The following LAMA4 variants were observed in gnomAD, a reference collection of about 807,000 sequenced individuals.
LAMA4 encodes the protein laminin subunit alpha 4.
In LAMA4, 127 loss-of-function variants were observed where a neutral mutation model predicts 207.1. The ratio of observed to expected loss-of-function variants is 0.61; its 90% CI spans 0.53 to 0.71. The LOEUF (loss-of-function observed/expected upper bound fraction) is 0.71. LAMA4 is among the 30% of genes least tolerant of loss of function. The pLI is 0.00. For missense variants in LAMA4, 2,093 were observed against 2,246.5 expected, an observed-to-expected ratio of 0.93 and a Z score of 1.38; for synonymous variants, 761 against 816.0, an observed-to-expected ratio of 0.93 and a Z score of 1.15.
intron 2 of LAMA4, chr6:112,219,526 AC>A (rs1217799384): frequency 6.6e-6 from 1 of 152,190 alleles, no homozygotes; most frequent in Admixed American, 6.5e-5. Context: ...GAGGATCTGT[AC>A]CTTCTGGGGT....
At position 112,187,591 on chromosome 6, in the gene LAMA4, C is replaced by T; in HGVS notation, c.825G>A (p.Lys275=). 1 of 1,613,998 alleles carries T rather than the reference C, an allele frequency of 6.2e-7. No homozygotes were observed. The highest frequency in any genetic ancestry group is 2.2e-5 in the East Asian group (1 of 44,838). The change falls in exon 8 of 39, where the codon AAG becomes AAA. Residue 275 remains lysine (K), a synonymous_variant. Coordinates refer to ENST00000230538, the MANE Select transcript of LAMA4 (RefSeq NM_001105206.3). ...GGTCATCAGTCAGGTCCCAGACGCA[C>T]TTATCACAGCCTGGAGGTGAAACAT... ...GMDCPTISCD[K]CVWDLTDDLR...
In LAMA4 at chr6:112,191,804, A is replaced by C. The variant is rs759487426; in HGVS notation, c.550T>G (p.Cys184Gly). The change falls in exon 6 of 39, where the codon TGT (cysteine) becomes GGT (glycine). Residue 184 changes from cysteine (C) to glycine (G), a missense_variant. Physicochemically the swap from Cys to Gly is radical, Grantham distance 159. Transcript: ENST00000230538. ...YGNPLLIGSTCKKCDCSGNSD... is the reference protein window; with the variant it reads ...YGNPLLIGSTGKKCDCSGNSD... ...TTTCCACTGCAGTCACATTTCTTAC[A>C]GGTGCTTCCAATGAGTAAGGGGTTT... 5 of 1,614,010 alleles carry C rather than the reference A, an allele frequency of 3.1e-6. No individual in the cohort carries two copies. Among genetic ancestry groups the C allele is most frequent in the Non-Finnish European group, 3.4e-6 (4 of 1,179,994 alleles).
intron 3 of LAMA4, chr6:112,214,169 C>A (rs1385810351): frequency 1.2e-5 from 6 of 485,120 alleles, no homozygotes; most frequent in East Asian, 3.1e-5. Flanking sequence ...ATAAAAAATT[C>A]TTTTTATATT....
At chr6:112,248,149 T>C (rs907792157) in intron 2 of LAMA4, among the ~76,000 whole-genome samples, 10 of 152,214 alleles carry the variant, frequency 6.6e-5, no homozygotes, top group South Asian at 2.1e-4. Flanking sequence ...TGGAGATTGA[T>C]GGTGATGGTT....
chr6:112,148,336 C>T lies in LAMA4; in HGVS notation c.2174G>A (p.Gly725Glu). Reference sequence around the variant, plus strand: ...CTGCCCCAGGCGCTGCTGGGCATCCCCTTTACACAGAGCACAGGGTCATTC... The same window carrying T: ...CTGCCCCAGGCGCTGCTGGGCATCCTCTTTACACAGAGCACAGGGTCATTC... ...AVKQLQAAERGDAQQRLGQSR... is the reference protein window; with the variant it reads ...AVKQLQAAEREDAQQRLGQSR... Residue 725 changes from glycine to glutamate, a missense_variant and splice_region_variant, in exon 18 of 39, where the codon GGG (glycine) becomes GAG (glutamate). By Grantham distance (98) the Gly-to-Glu change is moderately conservative. Coordinates refer to ENST00000230538, the MANE Select transcript of LAMA4 (RefSeq NM_001105206.3). The T allele has an allele frequency of 6.2e-7, 1 of 1,614,118 alleles. No homozygotes were observed. Among genetic ancestry groups the T allele is most frequent in the Non-Finnish European group, 8.5e-7 (1 of 1,180,012 alleles).
rs921612571 is a variant in LAMA4 at position 112,129,900 on chromosome 6, C to A, written c.4109G>T (p.Cys1370Phe). 6.2e-6 allele frequency: 10 copies of A among 1,609,356 alleles called. No individual in the cohort carries two copies. The highest frequency in any genetic ancestry group is 1.7e-5 in the Admixed American group (1 of 59,488). Residue 1370 changes from cysteine to phenylalanine, a missense_variant, in exon 30 of 39, where the codon TGC becomes TTC. Cys to Phe is a radical substitution (Grantham distance 205). This residue lies in a region of LAMA4 where 1,704 missense variants were observed against 1,788.4 expected (regional missense o/e 0.95). Coordinates refer to ENST00000230538, the MANE Select transcript of LAMA4 (RefSeq NM_001105206.3). ...CCTGGTAAAGTAGGCATTACTTATG[C>A]AGCCAGTGAAATTAGCATACTGAGC... ...ISAQYANFTGCISNAYFTRVD... is the reference protein window; with the variant it reads ...ISAQYANFTGFISNAYFTRVD...
Position 112,254,218 on chromosome 6 carries a change from G to A in LAMA4, c.-68C>T. Reference sequence around the variant, plus strand: ...CTGTGGGTCTCCGTAGGTCTCCCGCGTGGTGCGGCGGTGCCTCGCTTATTT... The same window carrying A: ...CTGTGGGTCTCCGTAGGTCTCCCGCATGGTGCGGCGGTGCCTCGCTTATTT... On this transcript the variant is annotated 5_prime_UTR_variant, in exon 2 of 39. In the 5' UTR this introduces an upstream ATG that the reference lacks. Transcript: ENST00000230538. 1 of 1,599,746 alleles carries A rather than the reference G, an allele frequency of 6.3e-7. No homozygotes were observed. Among genetic ancestry groups the A allele is most frequent in the Non-Finnish European group, 8.5e-7 (1 of 1,172,462 alleles).
chr6:112,188,566 G>A (rs541065144), intron 7 of LAMA4, among the ~76,000 whole-genome samples: 1 of 152,174 alleles, frequency 6.6e-6, no homozygotes, highest in Non-Finnish European at 1.5e-5. Flanking sequence ...TAAACCAAAA[G>A]TTTTGTTCCT....
intron 2 of LAMA4, among the ~76,000 whole-genome samples, chr6:112,241,098 AATATAT>A (rs368880785): frequency 1.1e-5 from 1 of 94,378 alleles, no homozygotes; most frequent in African/African-American, 3.4e-5. Context: ...GAGTCACATG[AATATAT>A]ATATATATAT....
chr6:112,158,850 C>T lies in LAMA4; in HGVS notation c.1699G>A (p.Gly567Arg), dbSNP rs781911643. 1 of 1,612,010 alleles carries T rather than the reference C, an allele frequency of 6.2e-7. No individual in the cohort carries two copies. Among genetic ancestry groups the T allele is most frequent in the Non-Finnish European group, 8.5e-7 (1 of 1,178,240 alleles). The part of the protein sequence containing the change: ...NASGIYAEID[G>R]AKSELQVKLS... The stretch of plus-strand genomic sequence containing the variant: ...TTTACTTGTAGTTCACTTTTGGCTC[C>T]ATCTATTTCTGCATAAATCCCTGAC... The change falls in exon 14 of 39, where the codon GGA becomes AGA. Residue 567 changes from glycine to arginine, a missense_variant. Physicochemically the swap from Gly to Arg is moderately radical, Grantham distance 125. Around this residue, in one of 3 missense-constraint regions of LAMA4, gnomAD observed 1,704 missense variants for 1,788.4 expected, o/e 0.95. Coordinates refer to ENST00000230538, the MANE Select transcript of LAMA4 (RefSeq NM_001105206.3).
chr6:112,114,240 T>A (rs776325910), intron 37 of LAMA4, 45 bp from the exon 38 acceptor site: 9 of 1,552,304 alleles, frequency 5.8e-6, no homozygotes, highest in Non-Finnish European at 8.0e-6. Flanking sequence ...ACTGGAGTGA[T>A]GAATTTTTAA....
chr6:112,139,707 C>T (rs1779570845), intron 23 of LAMA4, 45 bp downstream of exon 23: 2 of 1,607,340 alleles, frequency 1.2e-6, no homozygotes, highest in Non-Finnish European at 1.7e-6. Context: ...ATCTGCTGCT[C>T]TTGCATGAAT....
intron 13 of LAMA4, among the ~76,000 whole-genome samples, chr6:112,161,092 C>T (rs1781027736): frequency 6.6e-6 from 1 of 152,170 alleles, no homozygotes; most frequent in Non-Finnish European, 1.5e-5. Context: ...AATATTTTCC[C>T]TTTCTGGAAT....
At position 112,249,173 on chromosome 6, in the gene LAMA4, G is replaced by A. The variant is rs114192578; in HGVS notation, c.195+4783C>T. 9.9e-3 allele frequency among the ~76,000 whole-genome samples: 1,503 copies of A among 152,122 alleles called. 22 individuals carry two copies. Among genetic ancestry groups the A allele is most frequent in the African/African-American group, 0.035 (1,436 of 41,502 alleles). On this transcript the variant is annotated intron_variant, in intron 2 of 38. Coordinates refer to ENST00000230538, the MANE Select transcript of LAMA4 (RefSeq NM_001105206.3). ...TTTAAAGAAATTCCCAGCAGGGTGC[G>A]GTGGCTCACGCCTGTAATCCCAGCA... is the stretch of plus-strand genomic sequence containing the variant.
chr6:112,120,551 GT>G lies in LAMA4; in HGVS notation c.4476-80del, dbSNP rs111944498. ...CTCTAACTTCTTAAAATAATACAGT[GT>G]AAGGAAGAATAAACAAGTAGCCATT... On this transcript the variant is annotated intron_variant, in intron 32 of 38. Transcript: ENST00000230538. 13,756 of 1,120,116 alleles carry G rather than the reference GT, an allele frequency of 0.012. 1,135 individuals carry two copies. In the African/African-American group the frequency reaches 0.18, roughly 15 times the overall value. The allele number at this position is 1,120,116 out of a possible 1,614,324, so 69.4% of individuals were successfully genotyped here.
At chr6:112,122,238 A>G in intron 31 of LAMA4, 37 bp from the exon 32 acceptor site, 2 of 1,520,648 alleles carry the variant, frequency 1.3e-6, no homozygotes, top group Non-Finnish European at 1.8e-6. Context: ...TAAAAGTGAC[A>G]TACTAGCAGC....
intron 9 of LAMA4, among the ~76,000 whole-genome samples, chr6:112,180,969 T>C (rs1782322858): frequency 6.6e-6 from 1 of 152,212 alleles, no homozygotes; most frequent in Non-Finnish European, 1.5e-5. Context: ...CCATCACAGA[T>C]ATTTCACTTT....
At chr6:112,222,732 A>C (rs1554360953) in intron 2 of LAMA4, among the ~76,000 whole-genome samples, 1 of 152,162 alleles carries the variant, frequency 6.6e-6, no homozygotes, top group Non-Finnish European at 1.5e-5. Context: ...CCTGTTCATC[A>C]ACTATTTGGA....
chr6:112,185,280 G>C lies in LAMA4; in HGVS notation c.1034C>G (p.Thr345Arg). Residue 345 changes from threonine to arginine, a missense_variant, in exon 9 of 39, where the codon ACG becomes AGG. By Grantham distance (71) the Thr-to-Arg change is moderately conservative. Coordinates refer to ENST00000230538, the MANE Select transcript of LAMA4 (RefSeq NM_001105206.3). Reference protein sequence around the residue: ...RKIQINNAENTMKSLLSDVEE... With the variant: ...RKIQINNAENRMKSLLSDVEE... Reference sequence around the variant, plus strand: ...TACGTCAGACAGAAGGCTTTTCATCGTGTTCTCAGCATTGTTGATTTGTAT... The same window carrying C: ...TACGTCAGACAGAAGGCTTTTCATCCTGTTCTCAGCATTGTTGATTTGTAT... 1 of 1,613,242 alleles carries C rather than the reference G, an allele frequency of 6.2e-7. No individual in the cohort carries two copies. The highest frequency in any genetic ancestry group is 1.1e-5 in the South Asian group (1 of 91,064).
Sources: gnomAD v4.1 joint callset for allele counts (sites outside exome capture counted in the v4.1 genomes callset) on GRCh38, gnomAD v4.1.1 for gene constraint, gnomAD v4.1.1 regional missense constraint, MANE v1.5 for transcripts, NCBI Gene and HGNC (gene_info 2026-07-23, HGNC 2026-07-21) for gene names.